The following USP11 variants were observed in gnomAD, a reference collection of about 807,000 sequenced individuals.
USP11 encodes ubiquitin specific peptidase 11.
A neutral mutation model predicts 72.8 loss-of-function variants in USP11; 5 were observed. The ratio of observed to expected loss-of-function variants is 0.07; its 90% CI spans 0.04 to 0.14. USP11 has a LOEUF of 0.14. Ranked by LOEUF, USP11 falls within the 10% of genes least tolerant of loss-of-function variation. The probability of loss-of-function intolerance (pLI) is 1.00; values close to 1 mark genes in which losing one functional copy is unlikely to be tolerated. For synonymous variants in USP11, 368 were observed against 326.5 expected (o/e 1.13, Z -1.37); for missense variants, 480 against 794.7 (o/e 0.60, Z 4.76).
chrX:47,237,310 C>T (rs1166468147), intron 1 of USP11, among the ~76,000 whole-genome samples: 1 of 110,646 alleles, frequency 9.0e-6, no homozygotes, highest in African/African-American at 3.3e-5. Context: ...GGGTTTGTTT[C>T]CCTGGTGTGA....
At position 47,239,924 on chromosome X, in the gene USP11, C is replaced by T. The variant is rs778190634; in HGVS notation, c.535+17C>T. The stretch of plus-strand genomic sequence containing the variant: ...ATTCTATTGGTGAGTCTAAGGGTCA[C>T]GCAATGGGTTGGTGTTCCTAGCTAC... On this transcript the variant is annotated intron_variant, in intron 4 of 20. Coordinates refer to ENST00000377107, the MANE Select transcript of USP11 (RefSeq NM_001371072.1). 5.0e-6 allele frequency: 6 copies of T among 1,192,835 alleles called. No individual in the cohort carries two copies. Among genetic ancestry groups the T allele is most frequent in the South Asian group, 3.5e-5 (2 of 56,412 alleles).
rs1387804782 is a variant in USP11 at position 47,247,195 on chromosome X, G to A, written c.2394G>A (p.Leu798=). ...FSYTKFSREK[L]DTLVEFPIRD... is the part of the protein sequence containing the mutation. ...ACACCAAGTTCTCCCGAGAGAAGCT[G>A]GACACCCTCGTGGAGTTTCCTATCC... is the stretch of plus-strand genomic sequence containing the variant. Residue 798 remains leucine, a synonymous_variant, in exon 18 of 21, where the codon CTG becomes CTA. Transcript: ENST00000377107. 8.3e-7 allele frequency: 1 copy of A among 1,210,701 alleles called. No homozygotes were observed. Among genetic ancestry groups the A allele is most frequent in the Admixed American group, 2.2e-5 (1 of 45,880 alleles).
At chrX:47,245,223 A>T (rs1173380675) in intron 16 of USP11, 137 bp downstream of exon 16, 20 of 938,174 alleles carry the variant, frequency 2.1e-5, no homozygotes, top group Non-Finnish European at 3.0e-5. Flanking sequence ...CTGAACACCT[A>T]CTGAGAGCTC....
intron 7 of USP11, 138 bp downstream of exon 7, chrX:47,241,014 T>C (rs984684418): frequency 3.1e-6 from 2 of 640,571 alleles, no homozygotes; most frequent in Non-Finnish European, 4.7e-6. Flanking sequence ...AAGTCTGAAG[T>C]GGCACGCCCA....
At position 47,247,382 on chromosome X, in the gene USP11, G is replaced by A. The variant is rs745489626; in HGVS notation, c.2499G>A (p.Ala833=). Residue 833 remains alanine, a synonymous_variant, in exon 19 of 21, where the codon GCG becomes GCA. Transcript: ENST00000377107. The part of the protein sequence containing the change: ...NPELYKYDLI[A]VSNHYGGMRD... ...AGCTGTACAAATATGACCTCATCGC[G>A]GTTTCCAACCATTATGGGGGCATGC... 3.6e-5 allele frequency: 44 copies of A among 1,208,923 alleles called. No homozygotes were observed. The East Asian group carries it at 7.7e-4, about 21-fold the overall frequency.
Position 47,248,178 on chromosome X carries a change from T to C in USP11, c.*248T>C. On this transcript the variant is annotated 3_prime_UTR_variant, in exon 21 of 21. Transcript: ENST00000377107. ...AGCAGTGACCCTCCCTTCTAGTCTT[T>C]ATTTATGGTCGTGCCCTTCCCTCTC... 6 of 398,420 alleles carry C rather than the reference T, an allele frequency of 1.5e-5. No individual in the cohort carries two copies. The South Asian group carries it at 2.6e-4, about 18-fold the overall frequency. 32.8% of individuals were successfully genotyped at this position (398,420 alleles called of 1,213,427 possible).
chrX:47,241,171 C>T, intron 7 of USP11, 106 bp from the exon 8 acceptor site: 2 of 882,300 alleles, frequency 2.3e-6, no homozygotes, highest in Non-Finnish European at 3.1e-6. Flanking sequence ...CCTTCCCCTT[C>T]TCTCTTGTTT....
chrX:47,242,003 C>T (rs1261396068), intron 9 of USP11, 79 bp from the exon 10 acceptor site: 1 of 1,056,445 alleles, frequency 9.5e-7, no homozygotes. Flanking sequence ...TTCCGCTTCA[C>T]CCCATTTGAA....
chrX:47,241,828 C>T (rs751642416), intron 9 of USP11, 129 bp downstream of exon 9: 2 of 870,786 alleles, frequency 2.3e-6, no homozygotes, highest in South Asian at 2.6e-5. Flanking sequence ...ACCTCAACTC[C>T]AGCCTTACTC....
At chrX:47,235,509 G>A (rs1272004883) in intron 1 of USP11, among the ~76,000 whole-genome samples, 2 of 110,877 alleles carry the variant, frequency 1.8e-5, no homozygotes, top group African/African-American at 6.6e-5. Flanking sequence ...ATCTCTTGCA[G>A]CGTAGATGCT....
chrX:47,242,180 C>T lies in USP11; in HGVS notation c.1278C>T (p.Pro426=), dbSNP rs181533339. Residue 426 remains proline (P), a synonymous_variant, in exon 10 of 21, where the codon CCC becomes CCT. Transcript: ENST00000377107. ...HGLFKSTLVC[P]DCGNVSVTFD... is the part of the protein sequence containing the mutation. ...TCTTCAAGTCCACGCTGGTGTGCCC[C>T]GATTGTGGCAATGTATCTGTGACCT... 123 of 1,209,951 alleles carry T rather than the reference C, an allele frequency of 1.0e-4. No homozygotes were observed. The highest frequency in any genetic ancestry group is 1.5e-4 in the Admixed American group (7 of 45,831).
chrX:47,243,680 C>T, intron 13 of USP11, 78 bp downstream of exon 13: 1 of 962,593 alleles, frequency 1.0e-6, no homozygotes, highest in South Asian at 2.2e-5. Context: ...TTATTTGACA[C>T]CTCCCCTGTA....
chrX:47,247,020 C>CAA (rs375265625), intron 17 of USP11, 52 bp from the exon 18 acceptor site: 160 of 986,545 alleles, frequency 1.6e-4, no homozygotes, highest in African/African-American at 4.8e-4. Context: ...TTCTCTGTCT[C>CAA]AAAAAAAAAA....
At chrX:47,236,781 GAAAATT>G (rs2055373975) in intron 1 of USP11, among the ~76,000 whole-genome samples, 1 of 112,003 alleles carries the variant, frequency 8.9e-6, no homozygotes, top group Non-Finnish European at 1.9e-5. Context: ...CAAGAAACTA[GAAAATT>G]AAAATTTATG....
At chrX:47,234,231 A>G (rs547539525) in intron 1 of USP11, among the ~76,000 whole-genome samples, 2 of 112,294 alleles carry the variant, frequency 1.8e-5, no homozygotes, top group African/African-American at 3.2e-5. Context: ...TGTCAGGATC[A>G]TGAAAGACAA....
chrX:47,243,692 C>T (rs1161762831), intron 13 of USP11, 90 bp downstream of exon 13: 31 of 895,794 alleles, frequency 3.5e-5, no homozygotes, highest in Non-Finnish European at 4.7e-5. Flanking sequence ...TCCCCTGTAA[C>T]AAACAAAAGA....
rs779982384 is a variant in USP11 at position 47,247,068 on chromosome X, G to C, written c.2271-4G>C. The C allele has an allele frequency of 8.3e-6, 10 of 1,205,326 alleles. No individual in the cohort carries two copies. The highest frequency in any genetic ancestry group is 3.6e-5 in the South Asian group (2 of 56,206). On this transcript the variant is annotated splice_region_variant and splice_polypyrimidine_tract_variant and intron_variant, in intron 17 of 20. Transcript: ENST00000377107. ...CCGTTTGCTGACTCGGGCTCTGTCT[G>C]TAGGTACTGCCCTTCCTGCAAGCAG... is the stretch of plus-strand genomic sequence containing the variant.
Position 47,242,795 on chromosome X carries a change from C to T in USP11, c.1583+75C>T, listed in dbSNP as rs1408730957. ...TTCCTTTTGTATGGTCCTGCCTTAACCACCTTCTCTCTTCCCTGCCTCTGC... is the reference window on the plus strand; with the variant it reads ...TTCCTTTTGTATGGTCCTGCCTTAATCACCTTCTCTCTTCCCTGCCTCTGC... On this transcript the variant is annotated intron_variant, in intron 12 of 20. Transcript: ENST00000377107. 17 of 801,560 alleles carry T rather than the reference C, an allele frequency of 2.1e-5. No individual in the cohort carries two copies. In the East Asian group the frequency reaches 4.1e-4, roughly 19 times the overall value. 66.1% of individuals were successfully genotyped at this position (801,560 alleles called of 1,213,427 possible). A position where few individuals can be genotyped will look rare whatever the true frequency, so the allele number is the denominator to read the frequency against.
At chrX:47,243,696 C>A in intron 13 of USP11, 94 bp downstream of exon 13, 1 of 868,588 alleles carries the variant, frequency 1.2e-6, no homozygotes, top group Non-Finnish European at 1.6e-6. Flanking sequence ...CTGTAACAAA[C>A]AAAAGACAGT....
Sources: allele counts gnomAD v4.1 joint callset (sites outside exome capture counted in the v4.1 genomes callset), GRCh38; gene constraint gnomAD v4.1.1; transcripts MANE v1.5; gene names NCBI Gene and HGNC (gene_info 2026-07-23, HGNC 2026-07-21).